DPYSL2: variants seen among roughly 807,000 people sequenced by gnomAD.
DPYSL2 encodes dihydropyrimidinase like 2.
DPYSL2 carries 13 observed loss-of-function variants against 69.9 expected under a neutral mutation model. The observed-to-expected ratio is 0.19, with a 90% CI of 0.12 to 0.30. DPYSL2 has a LOEUF of 0.30. Ranked by LOEUF, DPYSL2 falls within the 10% of genes least tolerant of loss-of-function variation. The probability of loss-of-function intolerance (pLI) is 1.00; values close to 1 mark genes in which losing one functional copy is unlikely to be tolerated. For synonymous variants in DPYSL2, 326 were observed against 359.1 expected, an observed-to-expected ratio of 0.91 and a Z score of 1.04; for missense variants, 587 against 918.9, an observed-to-expected ratio of 0.64 and a Z score of 4.67.
chr8:26,539,372 CA>C (rs1212468028), intron 1 of DPYSL2, among the ~76,000 whole-genome samples: 1 of 152,058 alleles, frequency 6.6e-6, no homozygotes, highest in Non-Finnish European at 1.5e-5. Flanking sequence ...TGTGAGATAA[CA>C]AAAAAATATT....
chr8:26,562,126 C>A lies in DPYSL2; in HGVS notation c.355-19843C>A, dbSNP rs140132539. Among the ~76,000 whole-genome samples, 265 of 152,306 alleles carry A rather than the reference C, an allele frequency of 1.7e-3. 2 individuals are homozygous for A. Among genetic ancestry groups the A allele is most frequent in the East Asian group, 0.014 (73 of 5,188 alleles). ...CCAATCTATTAGTGACTTTTATTGG[C>A]AGCAGAAACAAGAGTGGATAAGAGG... On this transcript the variant is annotated intron_variant, in intron 1 of 13. Coordinates refer to ENST00000521913, the MANE Select transcript of DPYSL2 (RefSeq NM_001197293.3). The surrounding 1 kb of genome is among the most constrained non-coding windows in gnomAD (Gnocchi z 4.9).
At position 26,514,466 on chromosome 8, in the gene DPYSL2, C is replaced by G; in HGVS notation, c.141C>G (p.Asn47Lys). ...GCCCGGTGGAAGGGTCCTCGGAGAACAAGACCATCGACTTCGACTCGCTGT... is the reference window on the plus strand; with the variant it reads ...GCCCGGTGGAAGGGTCCTCGGAGAAGAAGACCATCGACTTCGACTCGCTGT... The part of the protein sequence containing the change: ...MFCPVEGSSE[N>K]KTIDFDSLSV... The change falls in exon 1 of 14, where the codon AAC becomes AAG. Residue 47 changes from asparagine (N) to lysine (K), a missense_variant. This residue lies in a region of DPYSL2 where 50 missense variants were observed against 86.8 expected (regional missense o/e 0.58). Coordinates refer to ENST00000521913, the MANE Select transcript of DPYSL2 (RefSeq NM_001197293.3). This position sits in a 1 kb window ranked among gnomAD's most constrained non-coding sequence, Gnocchi z 8.4. 6.5e-7 allele frequency: 1 copy of G among 1,528,904 alleles called. No individual in the cohort carries two copies. Among genetic ancestry groups the G allele is most frequent in the Non-Finnish European group, 8.7e-7 (1 of 1,144,374 alleles). The allele number at this position is 1,528,904 out of a possible 1,614,324, so 94.7% of individuals were successfully genotyped here. A position where few individuals can be genotyped will look rare whatever the true frequency, so the allele number is the denominator to read the frequency against.
At chr8:26,535,429 CGGGCTG>C (rs1228648979) in intron 1 of DPYSL2, among the ~76,000 whole-genome samples, 1 of 151,988 alleles carries the variant, frequency 6.6e-6, no homozygotes, top group Non-Finnish European at 1.5e-5. Context: ...TTTTGGAGCA[CGGGCTG>C]GCACATAAGA....
At chr8:26,531,084 T>G (rs1419975407) in intron 1 of DPYSL2, among the ~76,000 whole-genome samples, 1 of 148,230 alleles carries the variant, frequency 6.7e-6, no homozygotes, top group Non-Finnish European at 1.5e-5. Context: ...AAAAAGGTGA[T>G]GAGGGAGCTC....
At chr8:26,543,386 A>G (rs1421002206) in intron 1 of DPYSL2, among the ~76,000 whole-genome samples, 2 of 152,110 alleles carry the variant, frequency 1.3e-5, no homozygotes, top group African/African-American at 4.8e-5. Flanking sequence ...AAGTCCTGAT[A>G]TACACTGCTC....
Position 26,514,591 on chromosome 8 carries a change from C to T in DPYSL2, c.266C>T (p.Ala89Val). The T allele has an allele frequency of 6.6e-7, 1 of 1,512,796 alleles. No homozygotes were observed. The highest frequency in any genetic ancestry group is 1.2e-5 in the South Asian group (1 of 80,020). 93.7% of individuals were successfully genotyped at this position (1,512,796 alleles called of 1,614,324 possible). ...CCGTACTCGCGGCAGGGCCGGCGCG[C>T]CGGCGGAGAGCCATCTGTTGAATCG... Reference protein sequence around the residue: ...QPPYSRQGRRAGGEPSVESGR... With the variant: ...QPPYSRQGRRVGGEPSVESGR... Residue 89 changes from alanine to valine, a missense_variant, in exon 1 of 14, where the codon GCC (alanine) becomes GTC (valine). By Grantham distance (64) the Ala-to-Val change is moderately conservative. Coordinates refer to ENST00000521913, the MANE Select transcript of DPYSL2 (RefSeq NM_001197293.3). This position sits in a 1 kb window ranked among gnomAD's most constrained non-coding sequence, Gnocchi z 8.4.
intron 1 of DPYSL2, among the ~76,000 whole-genome samples, chr8:26,574,741 A>C (rs867398974): frequency 6.6e-6 from 1 of 152,272 alleles, no homozygotes; most frequent in South Asian, 2.1e-4. Context: ...AGAAAGTATA[A>C]GAAACATTTA....
chr8:26,643,564 A>G lies in DPYSL2; in HGVS notation c.1252A>G (p.Thr418Ala). 1.2e-6 allele frequency: 2 copies of G among 1,613,728 alleles called. No individual in the cohort carries two copies. The highest frequency in any genetic ancestry group is 1.7e-6 in the Non-Finnish European group (2 of 1,179,934). Reference sequence around the variant, plus strand: ...CCCACCCTTGAGCCCTGATCCAACCACTCCAGACTTTCTCAACTCCTTGCT... The same window carrying G: ...CCCACCCTTGAGCCCTGATCCAACCGCTCCAGACTTTCTCAACTCCTTGCT... ...TSPPLSPDPT[T>A]PDFLNSLLSC... The change falls in exon 9 of 14, where the codon ACT becomes GCT. Residue 418 changes from threonine (T) to alanine (A), a missense_variant. Thr to Ala is a moderately conservative substitution (Grantham distance 58, BLOSUM62 0). This residue lies in a region of DPYSL2 where 452 missense variants were observed against 754.3 expected (regional missense o/e 0.60). Coordinates refer to ENST00000521913, the MANE Select transcript of DPYSL2 (RefSeq NM_001197293.3). The surrounding 1 kb of genome is among the most constrained non-coding windows in gnomAD (Gnocchi z 6.5).
At chr8:26,547,912 C>T in intron 1 of DPYSL2, 1 of 272,032 alleles carries the variant, frequency 3.7e-6, no homozygotes, top group Non-Finnish European at 7.7e-6. Flanking sequence ...ATCCCCATCC[C>T]AGACCCTCTA....
At chr8:26,519,699 G>A (rs1808354585) in intron 1 of DPYSL2, among the ~76,000 whole-genome samples, 1 of 151,872 alleles carries the variant, frequency 6.6e-6, no homozygotes, top group Admixed American at 6.6e-5. Context: ...ATCTAGTATC[G>A]TATTTCTTCC....
At chr8:26,594,315 G>T (rs1216339842) in intron 3 of DPYSL2, among the ~76,000 whole-genome samples, 4 of 151,986 alleles carry the variant, frequency 2.6e-5, no homozygotes, top group Non-Finnish European at 5.9e-5. Context: ...ACACCTGTCT[G>T]TATCCATCTT....
Position 26,641,310 on chromosome 8 carries a change from G to A in DPYSL2, c.1127-2129G>A, listed in dbSNP as rs1028782581. Among the ~76,000 whole-genome samples the A allele has an allele frequency of 6.6e-6, 1 of 152,204 alleles. No homozygotes were observed. ...TGGACAAAAGCAGGAAGCCTTTAGGGCCACGCATCTCTTGTTTTCCTGTGA... is the reference window on the plus strand; with the variant it reads ...TGGACAAAAGCAGGAAGCCTTTAGGACCACGCATCTCTTGTTTTCCTGTGA... On this transcript the variant is annotated intron_variant, in intron 8 of 13. Coordinates refer to ENST00000521913, the MANE Select transcript of DPYSL2 (RefSeq NM_001197293.3). The surrounding 1 kb of genome is among the most constrained non-coding windows in gnomAD (Gnocchi z 4.1).
intron 7 of DPYSL2, among the ~76,000 whole-genome samples, chr8:26,628,736 C>T (rs199644848): frequency 1.3e-4 from 20 of 152,108 alleles, no homozygotes; most frequent in African/African-American, 2.7e-4. Flanking sequence ...AAGGGACTGG[C>T]GCCGAGCAGT....
intron 1 of DPYSL2, among the ~76,000 whole-genome samples, chr8:26,578,824 A>T (rs1801420525): frequency 1.3e-5 from 2 of 152,170 alleles, no homozygotes; most frequent in Non-Finnish European, 2.9e-5. Context: ...CAGCAGAGGG[A>T]TGCTGAAAAG....
chr8:26,572,660 C>A (rs1403295602), intron 1 of DPYSL2, among the ~76,000 whole-genome samples: 1 of 152,086 alleles, frequency 6.6e-6, no homozygotes, highest in Non-Finnish European at 1.5e-5. Context: ...CTACCACGCC[C>A]AGCTAGTTTT....
Position 26,577,603 on chromosome 8 carries a change from G to A in DPYSL2, c.355-4366G>A, listed in dbSNP as rs545255298. ...CGAAGCCCCGCCGTCTCGGGGTGCC[G>A]CCCCTCCCCCCGGCCGCGACGACCA... On this transcript the variant is annotated intron_variant, in intron 1 of 13. Coordinates refer to ENST00000521913, the MANE Select transcript of DPYSL2 (RefSeq NM_001197293.3). Among the ~76,000 whole-genome samples the A allele has an allele frequency of 3.8e-3, 571 of 149,310 alleles. 3 individuals carry two copies. The highest frequency in any genetic ancestry group is 5.6e-3 in the Non-Finnish European group (378 of 67,124).
In DPYSL2 at chr8:26,553,931, C is replaced by T. The variant is rs1800906054; in HGVS notation, c.355-28038C>T. ...TTTTTTTTTTTGAGACGGAGTCTCA[C>T]TCTGCCACCCATGCTGGAGTGCAGT... is the stretch of plus-strand genomic sequence containing the variant. On this transcript the variant is annotated intron_variant, in intron 1 of 13. Transcript: ENST00000521913. 2.9e-5 allele frequency among the ~76,000 whole-genome samples: 4 copies of T among 135,718 alleles called. No homozygotes were observed. The Admixed American group carries it at 3.3e-4, about 11-fold the overall frequency. The allele number at this position is 135,718 out of a possible 152,430, so 89.0% of individuals were successfully genotyped here. A position where few individuals can be genotyped will look rare whatever the true frequency, so the allele number is the denominator to read the frequency against.
chr8:26,655,540 G>T, intron 13 of DPYSL2, 75 bp from the exon 14 acceptor site: 1 of 1,321,762 alleles, frequency 7.6e-7, no homozygotes, highest in Non-Finnish European at 1.0e-6. Flanking sequence ...TGAGCTGTGA[G>T]ATTTCACCTT....
intron 1 of DPYSL2, among the ~76,000 whole-genome samples, chr8:26,537,611 T>TACACACACACACACACACAC (rs56080102): frequency 0.033 from 4,911 of 147,584 alleles, 126 homozygotes; most frequent in South Asian, 0.1. Flanking sequence ...ATTCTCTCTC[T>TACACACACACACACACACAC]ACACACACAC....
Sources: allele counts gnomAD v4.1 joint callset (sites outside exome capture counted in the v4.1 genomes callset), GRCh38; gene constraint gnomAD v4.1.1; regional missense constraint gnomAD v4.1.1; non-coding constraint Gnocchi (gnomAD v3.1); transcripts MANE v1.5; gene names NCBI Gene and HGNC (gene_info 2026-07-23, HGNC 2026-07-21).